Variants in MED16 observed in about 807,000 individuals in gnomAD.
MED16 encodes mediator complex subunit 16, also known as mediator of RNA polymerase II transcription subunit 16.
A neutral mutation model predicts 84.4 loss-of-function variants in MED16; 81 were observed. That is an observed-to-expected ratio of 0.96 (90% confidence interval 0.80 to 1.15). The LOEUF is 1.15. Ranked by LOEUF, MED16 falls within the 50% of genes most tolerant of loss-of-function variation. MED16 has a pLI of 0.00. For synonymous variants in MED16, 897 were observed against 552.2 expected (o/e 1.62, Z -8.76); for missense variants, 1,585 against 1,245.9 (o/e 1.27, Z -4.10).
chr19:876,211 G>C (rs1194228961), intron 9 of MED16, among the ~76,000 whole-genome samples: 1 of 152,154 alleles, frequency 6.6e-6, no homozygotes, highest in South Asian at 2.1e-4. Flanking sequence ...CAGAGGGCTG[G>C]TCCCACGTGC....
Position 871,174 on chromosome 19 carries a change from GA to G in MED16, c.2177del (p.Ile726ThrfsTer91). 1 of 1,549,324 alleles carries G rather than the reference GA, an allele frequency of 6.5e-7. No homozygotes were observed. Among genetic ancestry groups the G allele is most frequent in the Non-Finnish European group, 8.7e-7 (1 of 1,146,234 alleles). Reference sequence around the variant, plus strand: ...TGGCTGGCAGCCAGTCCAGGCTGGGGATAAGCAGCTGGCTGGGCAGCAGGCA... The same window carrying G: ...TGGCTGGCAGCCAGTCCAGGCTGGGGTAAGCAGCTGGCTGGGCAGCAGGCA... ...ECCLLPSQLLIPSLDWLPASD... is the reference protein window; with the variant it reads ...ECCLLPSQLLXPSLDWLPASD... On this transcript the variant is annotated frameshift_variant, in exon 13 of 16. Coordinates refer to ENST00000325464, the MANE Select transcript of MED16 (RefSeq NM_005481.3). LOFTEE classifies it high-confidence loss of function.
At chr19:887,393 C>T (rs1457783701) in intron 4 of MED16, among the ~76,000 whole-genome samples, 3 of 152,248 alleles carry the variant, frequency 2.0e-5, no homozygotes, top group Non-Finnish European at 2.9e-5. Context: ...TTTGGCCGGA[C>T]GCGGTGGCTC....
In MED16 at chr19:886,261, C is replaced by A. The variant is rs1599342004; in HGVS notation, c.448-60G>T. ...CAGGCTCATGGGGGCTGCCCCATGA[C>A]CCCCAGAAACACGCGCACAGAAGAA... On this transcript the variant is annotated intron_variant, in intron 4 of 15. Transcript: ENST00000325464. 2.9e-6 allele frequency: 4 copies of A among 1,369,848 alleles called. No homozygotes were observed. The African/African-American group carries it at 5.9e-5, about 20-fold the overall frequency. 84.9% of individuals were successfully genotyped at this position (1,369,848 alleles called of 1,614,324 possible).
In MED16 at chr19:876,828, C is replaced by G. The variant is rs1352690051; in HGVS notation, c.1560+146G>C. 4 of 763,296 alleles carry G rather than the reference C, an allele frequency of 5.2e-6. No individual in the cohort carries two copies. In the African/African-American group the frequency reaches 7.1e-5, roughly 14 times the overall value. The allele number at this position is 763,296 out of a possible 1,614,324, so 47.3% of individuals were successfully genotyped here. On this transcript the variant is annotated intron_variant, in intron 9 of 15. Coordinates refer to ENST00000325464, the MANE Select transcript of MED16 (RefSeq NM_005481.3). ...CTGGCACTTTACTGACCACGGGGCC[C>G]CTGCCTGCCACAGGGACAGCCCCAC...
At chr19:871,554 T>A in intron 12 of MED16, 2 of 1,589,464 alleles carry the variant, frequency 1.3e-6, no homozygotes. Context: ...ATGACACAGC[T>A]CACCCTCCTC....
chr19:883,857 C>CA (rs1412797713), intron 6 of MED16, among the ~76,000 whole-genome samples: 1 of 152,070 alleles, frequency 6.6e-6, no homozygotes, highest in African/African-American at 2.4e-5. Context: ...GAATGAGGCC[C>CA]AACAAGGCCC....
intron 10 of MED16, among the ~76,000 whole-genome samples, chr19:874,188 A>G (rs1429223232): frequency 6.6e-6 from 1 of 151,814 alleles, no homozygotes; most frequent in African/African-American, 2.4e-5. Flanking sequence ...ATCTCAGCTC[A>G]CTGCAAGCTC....
At chr19:885,630 G>A in intron 5 of MED16, 140 bp downstream of exon 5, 1 of 1,013,798 alleles carries the variant, frequency 9.9e-7, no homozygotes, top group Non-Finnish European at 1.4e-6. Context: ...GTTCTCCCCT[G>A]GAGCCCCCGG....
Position 877,165 on chromosome 19 carries a change from G to A in MED16, c.1369C>T (p.Leu457Phe), listed in dbSNP as rs776796243. Residue 457 changes from leucine (L) to phenylalanine (F), a missense_variant, in exon 9 of 16, where the codon CTC becomes TTC. By Grantham distance (22) the Leu-to-Phe change is conservative. Transcript: ENST00000325464. ...DSHGKLSVLR[L>F]SPSMGHPLEV... ...AGCGGGTGGCCCATGGAAGGTGAGA[G>A]GCGGAGCACGCTCAGCTGCCAGAGA... 6.2e-7 allele frequency: 1 copy of A among 1,610,050 alleles called. No homozygotes were observed. The highest frequency in any genetic ancestry group is 2.2e-5 in the East Asian group (1 of 44,798).
Position 875,423 on chromosome 19 carries a change from G to A in MED16, c.1592C>T (p.Ala531Val), listed in dbSNP as rs768742362. ...VLSTRILAMK[A>V]SLCKLSPCTV... ...GCAGGGCGACAGCTTGCAGAGCGAG[G>A]CCTTCATGGCCAGGATCCGGGTGGA... is the stretch of plus-strand genomic sequence containing the variant. The change falls in exon 10 of 16, where the codon GCC becomes GTC. Residue 531 changes from alanine (A) to valine (V), a missense_variant. Coordinates refer to ENST00000325464, the MANE Select transcript of MED16 (RefSeq NM_005481.3). The A allele has an allele frequency of 3.1e-6, 5 of 1,605,130 alleles. No homozygotes were observed. The highest frequency in any genetic ancestry group is 2.2e-5 in the East Asian group (1 of 44,880).
In MED16 at chr19:886,209, G is replaced by A. The variant is rs553706578; in HGVS notation, c.448-8C>T. ...GAAGCTGGAGGCGCCCGACTGTGGA[G>A]AAGGGAGGGAGGGAGGAGGGGCCGC... On this transcript the variant is annotated splice_polypyrimidine_tract_variant and splice_region_variant and intron_variant, in intron 4 of 15. Coordinates refer to ENST00000325464, the MANE Select transcript of MED16 (RefSeq NM_005481.3). The A allele has an allele frequency of 4.7e-6, 7 of 1,500,838 alleles. No individual in the cohort carries two copies. The highest frequency in any genetic ancestry group is 4.2e-5 in the African/African-American group (3 of 71,592). The allele number at this position is 1,500,838 out of a possible 1,614,324, so 93.0% of individuals were successfully genotyped here.
chr19:870,851 C>T (rs974636314), intron 13 of MED16, among the ~76,000 whole-genome samples, 186 bp downstream of exon 13: 2 of 98,424 alleles, frequency 2.0e-5, no homozygotes, highest in African/African-American at 8.1e-5. Flanking sequence ...CGGGGCAGGA[C>T]ATGGAGGGAG....
intron 4 of MED16, among the ~76,000 whole-genome samples, chr19:887,364 T>C (rs1015903144): frequency 1.3e-5 from 2 of 152,066 alleles, no homozygotes; most frequent in East Asian, 1.9e-4. Context: ...CTTTTATTAA[T>C]GTAATTAAAA....
chr19:875,623 C>G (rs1305910071), intron 9 of MED16, among the ~76,000 whole-genome samples, 169 bp from the exon 10 acceptor site: 1 of 152,216 alleles, frequency 6.6e-6, no homozygotes, highest in Admixed American at 6.5e-5. Context: ...TGCGGAAGAC[C>G]AGGCGCACAG....
intron 6 of MED16, among the ~76,000 whole-genome samples, 155 bp downstream of exon 6, chr19:884,748 C>G (rs569060162): frequency 2.0e-5 from 3 of 152,202 alleles, no homozygotes; most frequent in African/African-American, 7.2e-5. Flanking sequence ...CGGTCACACC[C>G]GAGATCCTAG....
chr19:888,121 T>C (rs2036561022), intron 4 of MED16, among the ~76,000 whole-genome samples: 1 of 151,820 alleles, frequency 6.6e-6, no homozygotes, highest in African/African-American at 2.4e-5. Context: ...GTAGAATCGC[T>C]TGAGCCCGGG....
intron 4 of MED16, among the ~76,000 whole-genome samples, chr19:888,524 C>CA (rs34583289): frequency 0.011 from 1,029 of 96,814 alleles, 6 homozygotes; most frequent in African/African-American, 0.022. Flanking sequence ...ACTCTGTCTC[C>CA]AAAAAAAAAA....
chr19:881,854 A>G, intron 6 of MED16, 140 bp from the exon 7 acceptor site: 1 of 1,045,634 alleles, frequency 9.6e-7, no homozygotes, highest in Non-Finnish European at 1.4e-6. Context: ...CCATGCCCAG[A>G]AGACCAGGCC....
At chr19:882,390 G>A (rs1255213565) in intron 6 of MED16, among the ~76,000 whole-genome samples, 2 of 85,694 alleles carry the variant, frequency 2.3e-5, no homozygotes, top group Non-Finnish European at 5.5e-5. Context: ...GGTGATGCAC[G>A]CCTGCACACG....
Sources: gnomAD v4.1 joint callset for allele counts (sites outside exome capture counted in the v4.1 genomes callset) on GRCh38, gnomAD v4.1.1 for gene constraint, MANE v1.5 for transcripts, NCBI Gene and HGNC (gene_info 2026-07-23, HGNC 2026-07-21) for gene names.